Variants in SGCZ observed in about 807,000 individuals in gnomAD.
The protein encoded by SGCZ is sarcoglycan zeta.
Under a neutral mutation model 41.3 loss-of-function variants are expected in SGCZ, and 40 were observed. The observed-to-expected ratio is 0.97, with a 90% CI of 0.75 to 1.26. The LOEUF is 1.26. Among genes scored for constraint, SGCZ ranks in the 50% most tolerant of loss-of-function variants. SGCZ has a pLI of 0.00. For synonymous variants in SGCZ, 206 were observed against 137.5 expected (o/e 1.50, Z -3.49); for missense variants, 552 against 369.8 (o/e 1.49, Z -4.04).
At chr8:14,203,298 T>C (rs1004912850) in intron 4 of SGCZ, among the ~76,000 whole-genome samples, 1 of 152,212 alleles carries the variant, frequency 6.6e-6, no homozygotes, top group African/African-American at 2.4e-5. Flanking sequence ...GTAAGTGCTG[T>C]TAAGACGAGA....
chr8:14,700,176 T>G (rs139886350), intron 1 of SGCZ, among the ~76,000 whole-genome samples: 7 of 151,838 alleles, frequency 4.6e-5, no homozygotes, highest in African/African-American at 1.4e-4. Flanking sequence ...TGCAGCAAAA[T>G]TGACAATAAT....
At chr8:15,178,713 C>T (rs901194383) in intron 1 of SGCZ, among the ~76,000 whole-genome samples, 1 of 152,168 alleles carries the variant, frequency 6.6e-6, no homozygotes, top group African/African-American at 2.4e-5. Flanking sequence ...AGGCCATGGA[C>T]TTCAGACAAC....
chr8:14,437,198 A>C (rs1284479735), intron 2 of SGCZ, among the ~76,000 whole-genome samples: 2 of 152,296 alleles, frequency 1.3e-5, no homozygotes, highest in East Asian at 3.9e-4. Context: ...CAAAATCATG[A>C]TTATGCAATG....
chr8:15,140,860 T>C (rs1487289432), intron 1 of SGCZ, among the ~76,000 whole-genome samples: 14 of 152,188 alleles, frequency 9.2e-5, no homozygotes, highest in Admixed American at 9.2e-4. Flanking sequence ...ACACTAAGCA[T>C]AAAACAGAAA....
At chr8:14,996,356 T>G (rs147749766) in intron 1 of SGCZ, among the ~76,000 whole-genome samples, 1 of 152,306 alleles carries the variant, frequency 6.6e-6, no homozygotes, top group African/African-American at 2.4e-5. Context: ...AAATGAGGGG[T>G]GATGACAATG....
intron 2 of SGCZ, among the ~76,000 whole-genome samples, chr8:14,365,503 AC>A (rs1803668946): frequency 6.6e-6 from 1 of 152,032 alleles, no homozygotes; most frequent in Non-Finnish European, 1.5e-5. Context: ...CATGATGCAA[AC>A]TTTTAGTTAA....
At chr8:14,665,199 T>A (rs1276571770) in intron 1 of SGCZ, among the ~76,000 whole-genome samples, 4 of 152,110 alleles carry the variant, frequency 2.6e-5, no homozygotes, top group Non-Finnish European at 5.9e-5. Flanking sequence ...TGTGTGATGT[T>A]CCACTTCCTG....
intron 1 of SGCZ, among the ~76,000 whole-genome samples, chr8:14,845,171 G>T (rs555476787): frequency 6.6e-6 from 1 of 152,236 alleles, no homozygotes; most frequent in South Asian, 2.1e-4. Context: ...CTCACACTGG[G>T]CTAAGAAATG....
intron 1 of SGCZ, among the ~76,000 whole-genome samples, chr8:14,864,707 T>C (rs544794441): frequency 4.6e-5 from 7 of 152,168 alleles, no homozygotes; most frequent in Non-Finnish European, 8.8e-5. Flanking sequence ...TCTAATTAAA[T>C]TAAAAGACCA....
At chr8:15,100,024 T>C (rs1806542427) in intron 1 of SGCZ, among the ~76,000 whole-genome samples, 1 of 152,062 alleles carries the variant, frequency 6.6e-6, no homozygotes, top group Non-Finnish European at 1.5e-5. Context: ...AAAGAGATAA[T>C]TTTTCCCAAA....
intron 1 of SGCZ, among the ~76,000 whole-genome samples, chr8:14,794,599 C>G (rs1000303149): frequency 1.3e-5 from 2 of 152,072 alleles, no homozygotes; most frequent in African/African-American, 4.8e-5. Flanking sequence ...AAAGTATTTC[C>G]ATTAAGAAAG....
rs189253423 is a variant in SGCZ at position 14,720,925 on chromosome 8, T to A, written c.40-165999A>T. Among the ~76,000 whole-genome samples, 811 of 151,860 alleles carry A rather than the reference T, an allele frequency of 5.3e-3. 13 individuals are homozygous for A. Among genetic ancestry groups the A allele is most frequent in the Non-Finnish European group, 8.9e-3 (603 of 67,910 alleles). Reference sequence around the variant, plus strand: ...TTCATGGAAACTGTTTTTTTTTTAATTTTTTTTATGATTATAAATGACCCC... The same window carrying A: ...TTCATGGAAACTGTTTTTTTTTTAAATTTTTTTATGATTATAAATGACCCC... On this transcript the variant is annotated intron_variant, in intron 1 of 7. Coordinates refer to ENST00000382080, the MANE Select transcript of SGCZ (RefSeq NM_139167.4).
chr8:14,451,249 G>A (rs1028091668), intron 2 of SGCZ, among the ~76,000 whole-genome samples: 1 of 152,118 alleles, frequency 6.6e-6, no homozygotes, highest in Non-Finnish European at 1.5e-5. Context: ...CTACCTTTAT[G>A]TTCTTTATTT....
At chr8:15,037,093 G>C (rs1466041684) in intron 1 of SGCZ, among the ~76,000 whole-genome samples, 1 of 152,058 alleles carries the variant, frequency 6.6e-6, no homozygotes, top group Non-Finnish European at 1.5e-5. Context: ...AAATATACCT[G>C]AGCACGATAA....
In SGCZ at chr8:14,399,797, C is replaced by G. The variant is rs150847305; in HGVS notation, c.235-75593G>C. ...GCCTTTTCAAAGGACTAACAAATAG[C>G]TGATAATATTAATCTACAATTTGAT... On this transcript the variant is annotated intron_variant, in intron 2 of 7. Transcript: ENST00000382080. Among the ~76,000 whole-genome samples, 1,186 of 152,162 alleles carry G rather than the reference C, an allele frequency of 7.8e-3. 17 individuals are homozygous for G. Among genetic ancestry groups the G allele is most frequent in the African/African-American group, 0.026 (1,087 of 41,518 alleles).
chr8:14,762,186 T>C (rs774873148), intron 1 of SGCZ, among the ~76,000 whole-genome samples: 4 of 152,144 alleles, frequency 2.6e-5, no homozygotes, highest in South Asian at 2.1e-4. Flanking sequence ...CTTTTGAGTA[T>C]TGAAAAATAG....
intron 1 of SGCZ, among the ~76,000 whole-genome samples, chr8:14,820,657 T>C (rs960627926): frequency 6.6e-6 from 1 of 152,000 alleles, no homozygotes; most frequent in African/African-American, 2.4e-5. Context: ...CTAGCCACCA[T>C]GGTGTAAAAC....
rs181895492 is a variant in SGCZ at position 14,803,470 on chromosome 8, C to T, written c.40-248544G>A. On this transcript the variant is annotated intron_variant, in intron 1 of 7. Transcript: ENST00000382080. ...CCTAGTCAAAGAAAGGGGTGACAGACGGCACCTGGAAAATCGGGTCACTCC... is the reference window on the plus strand; with the variant it reads ...CCTAGTCAAAGAAAGGGGTGACAGATGGCACCTGGAAAATCGGGTCACTCC... Among the ~76,000 whole-genome samples the T allele has an allele frequency of 5.0e-3, 760 of 152,194 alleles. 4 individuals are homozygous for T. Among genetic ancestry groups the T allele is most frequent in the Non-Finnish European group, 7.5e-3 (512 of 68,016 alleles).
At chr8:14,096,537 T>A (rs913115040) in intron 7 of SGCZ, among the ~76,000 whole-genome samples, 15 of 152,328 alleles carry the variant, frequency 9.8e-5, no homozygotes, top group Non-Finnish European at 2.1e-4. Context: ...CGAATCGATG[T>A]TCATCAGGGA....
Sources: allele counts gnomAD v4.1 joint callset (sites outside exome capture counted in the v4.1 genomes callset), GRCh38; gene constraint gnomAD v4.1.1; transcripts MANE v1.5; gene names NCBI Gene and HGNC (gene_info 2026-07-23, HGNC 2026-07-21).